The following SLC8A1 variants were observed in gnomAD, a reference collection of about 807,000 sequenced individuals.
SLC8A1 encodes the protein solute carrier family 8 member A1.
Under a neutral mutation model 68.3 loss-of-function variants are expected in SLC8A1, and 18 were observed. That is an observed-to-expected ratio of 0.26 (90% CI 0.18 to 0.39). SLC8A1 has a LOEUF of 0.39. SLC8A1 is among the 10% of genes least tolerant of loss of function. The pLI, the probability that SLC8A1 is intolerant of heterozygous loss-of-function variation, is 1.00. For missense variants in SLC8A1, 985 were observed against 1,156.7 expected (o/e 0.85, Z 2.15); for synonymous variants, 475 against 415.5 (o/e 1.14, Z -1.74).
At chr2:40,393,833 C>T (rs1686048121) in intron 2 of SLC8A1, among the ~76,000 whole-genome samples, 1 of 152,080 alleles carries the variant, frequency 6.6e-6, no homozygotes, top group Non-Finnish European at 1.5e-5. Context: ...TAACCTAAAT[C>T]ACCCAATCAA....
chr2:40,280,695 C>T (rs544076668), intron 2 of SLC8A1, among the ~76,000 whole-genome samples: 2 of 152,188 alleles, frequency 1.3e-5, no homozygotes, highest in East Asian at 3.9e-4. Context: ...TATGATGTCA[C>T]AGATATAAAT....
intron 2 of SLC8A1, among the ~76,000 whole-genome samples, chr2:40,354,763 G>C (rs918481812): frequency 1.3e-5 from 2 of 152,108 alleles, no homozygotes; most frequent in African/African-American, 2.4e-5. Flanking sequence ...CTAGGAAAAA[G>C]TTCTCACATT....
chr2:40,445,265 T>A (rs1460943897), intron 1 of SLC8A1, among the ~76,000 whole-genome samples: 1 of 152,172 alleles, frequency 6.6e-6, no homozygotes, highest in Non-Finnish European at 1.5e-5. Context: ...CATGAATATG[T>A]CTGCTGACCT....
Position 40,253,831 on chromosome 2 carries a change from CAAAAAAAAAAAA to C in SLC8A1, c.1809-75988_1809-75977del, listed in dbSNP as rs61434245. On this transcript the variant is annotated intron_variant, in intron 2 of 7. Transcript: ENST00000406785. ...AACAGAGCCAAACTCTGTCTGTCTC[CAAAAAAAAAAAA>C]AAAAAAAAAAAAAGGCTAGGAAGGA... 3.3e-3 allele frequency among the ~76,000 whole-genome samples: 196 copies of C among 59,840 alleles called. 2 individuals are homozygous for C. The highest frequency in any genetic ancestry group is 0.012 in the African/African-American group (181 of 15,630). The allele number at this position is 59,840 out of a possible 152,430, so 39.3% of individuals were successfully genotyped here. A position where few individuals can be genotyped will look rare whatever the true frequency, so the allele number is the denominator to read the frequency against.
intron 2 of SLC8A1, among the ~76,000 whole-genome samples, chr2:40,297,221 A>G (rs1464104394): frequency 6.6e-6 from 1 of 152,264 alleles, no homozygotes. Flanking sequence ...ACAGAAATAC[A>G]TGTTCAATAA....
chr2:40,182,442 A>G (rs1223252204), intron 2 of SLC8A1, among the ~76,000 whole-genome samples: 2 of 152,218 alleles, frequency 1.3e-5, no homozygotes, highest in African/African-American at 4.8e-5. Context: ...ATTTCTTAAT[A>G]TGGCCAAAAT....
chr2:40,200,216 AT>A (rs2053978675), intron 2 of SLC8A1, among the ~76,000 whole-genome samples: 2 of 7,774 alleles, frequency 2.6e-4, no homozygotes, highest in Admixed American at 2.4e-3. Context: ...AAATATATAT[AT>A]ATTTTTTTAT....
intron 2 of SLC8A1, among the ~76,000 whole-genome samples, chr2:40,191,822 C>A (rs1032543327): frequency 5.3e-5 from 8 of 152,210 alleles, no homozygotes; most frequent in Admixed American, 4.6e-4. Flanking sequence ...AAAAGCGAAT[C>A]TTCACCCCTA....
intron 2 of SLC8A1, among the ~76,000 whole-genome samples, chr2:40,214,528 C>T (rs1275814279): frequency 4.0e-5 from 6 of 151,734 alleles, no homozygotes; most frequent in Admixed American, 6.6e-5. Flanking sequence ...CTGCAACCTC[C>T]GCCTCCTAGG....
intron 2 of SLC8A1, among the ~76,000 whole-genome samples, chr2:40,289,267 T>G (rs2068868844): frequency 6.6e-6 from 1 of 152,144 alleles, no homozygotes; most frequent in Non-Finnish European, 1.5e-5. Context: ...CTGAAAAATA[T>G]TGTTAAACTA....
intron 4 of SLC8A1, among the ~76,000 whole-genome samples, chr2:40,167,213 T>C (rs1311833945): frequency 6.6e-6 from 1 of 152,220 alleles, no homozygotes; most frequent in Non-Finnish European, 1.5e-5. Flanking sequence ...AAATGCTTAA[T>C]TCGGTGCTGT....
chr2:40,344,367 G>A (rs1668610316), intron 2 of SLC8A1, among the ~76,000 whole-genome samples: 1 of 152,062 alleles, frequency 6.6e-6, no homozygotes, highest in Admixed American at 6.6e-5. Context: ...AACATGCTTT[G>A]GAGGGAGAGA....
intron 2 of SLC8A1, among the ~76,000 whole-genome samples, chr2:40,393,450 T>A (rs559190645): frequency 3.9e-5 from 6 of 152,230 alleles, no homozygotes; most frequent in African/African-American, 1.4e-4. Context: ...ATTGCTATGT[T>A]CCAAATGATT....
At chr2:40,225,548 T>C (rs910062459) in intron 2 of SLC8A1, among the ~76,000 whole-genome samples, 4 of 152,138 alleles carry the variant, frequency 2.6e-5, no homozygotes, top group African/African-American at 9.7e-5. Flanking sequence ...TTAAAGACTA[T>C]AATGAATCTT....
At chr2:40,310,267 G>A in intron 2 of SLC8A1, among the ~76,000 whole-genome samples, 1 of 152,204 alleles carries the variant, frequency 6.6e-6, no homozygotes, top group East Asian at 1.9e-4. Flanking sequence ...GTCACAGGCA[G>A]CACATTTACG....
intron 6 of SLC8A1, among the ~76,000 whole-genome samples, chr2:40,142,746 T>G (rs2041811677): frequency 6.6e-6 from 1 of 152,212 alleles, no homozygotes; most frequent in Admixed American, 6.5e-5. Flanking sequence ...GTAAAGTGTC[T>G]GAGAATATTT....
In SLC8A1 at chr2:40,175,285, T is replaced by C; in HGVS notation, c.1913-443A>G. 6.2e-7 allele frequency: 1 copy of C among 1,612,786 alleles called. No individual in the cohort carries two copies. The highest frequency in any genetic ancestry group is 8.5e-7 in the Non-Finnish European group (1 of 1,179,208). The stretch of plus-strand genomic sequence containing the variant: ...CCAAGCTCATTCAATAACAGGGCTG[T>C]GAAGGAAACAGACAAAGACAAACAC... On this transcript the variant is annotated intron_variant, in intron 3 of 7. Coordinates refer to ENST00000406785, the Ensembl canonical transcript of SLC8A1.
At chr2:40,428,122 T>C (rs146678955) in intron 2 of SLC8A1, among the ~76,000 whole-genome samples, 251 of 152,254 alleles carry the variant, frequency 1.6e-3, no homozygotes, top group African/African-American at 5.7e-3. Flanking sequence ...TCTGAGTATA[T>C]ACCATGTGAT....
chr2:40,318,774 TACACAAGGCTCTATCAGA>T (rs2149332346), intron 2 of SLC8A1, among the ~76,000 whole-genome samples: 1 of 152,252 alleles, frequency 6.6e-6, no homozygotes, highest in South Asian at 2.1e-4. Context: ...CTCCGGAAGT[TACACAAGGCTCTATCAGA>T]CGAAAGCCTA....
Sources: gnomAD v4.1 joint callset for allele counts (sites outside exome capture counted in the v4.1 genomes callset) on GRCh38, gnomAD v4.1.1 for gene constraint, MANE v1.5 for transcripts, NCBI Gene and HGNC (gene_info 2026-07-23, HGNC 2026-07-21) for gene names.